EPYC: variants seen among roughly 807,000 people sequenced by gnomAD.
EPYC encodes dermatan sulfate proteoglycan 3.
A neutral mutation model predicts 30.1 loss-of-function variants in EPYC; 28 were observed. The ratio of observed to expected loss-of-function variants is 0.93; its 90% CI spans 0.69 to 1.28. The LOEUF (loss-of-function observed/expected upper bound fraction) is 1.28, where lower values mean the gene tolerates loss of function less well. EPYC is among the 50% of genes most tolerant of loss of function. The probability of loss-of-function intolerance (pLI) is 0.00; values close to 1 mark genes in which losing one functional copy is unlikely to be tolerated. For synonymous variants in EPYC, 144 were observed against 141.4 expected, an observed-to-expected ratio of 1.02 and a Z score of -0.13; for missense variants, 382 against 383.5, an observed-to-expected ratio of 1.00 and a Z score of 0.03.
intron 2 of EPYC, among the ~76,000 whole-genome samples, chr12:91,000,054 C>T (rs892642576): frequency 1.3e-5 from 2 of 151,866 alleles, no homozygotes; most frequent in African/African-American, 4.8e-5. Flanking sequence ...ATGTATATGC[C>T]TATTTATATC....
intron 2 of EPYC, among the ~76,000 whole-genome samples, chr12:91,002,087 G>T (rs1392590712): frequency 1.3e-5 from 2 of 150,642 alleles, no homozygotes; most frequent in Non-Finnish European, 2.9e-5. Context: ...CTACTCGGGA[G>T]GCTGAGGCAG....
intron 2 of EPYC, among the ~76,000 whole-genome samples, chr12:90,991,040 A>C (rs375046804): frequency 2.0e-5 from 3 of 152,292 alleles, no homozygotes; most frequent in East Asian, 3.9e-4. Flanking sequence ...TTTTGATATT[A>C]TAACTCTAGA....
chr12:90,994,231 C>T (rs1411798645), intron 2 of EPYC, among the ~76,000 whole-genome samples: 2 of 152,098 alleles, frequency 1.3e-5, no homozygotes, highest in African/African-American at 2.4e-5. Flanking sequence ...TAGCCCAAAT[C>T]GAATCCCTTC....
chr12:90,970,614 T>C (rs145702384), intron 5 of EPYC, among the ~76,000 whole-genome samples: 1 of 152,256 alleles, frequency 6.6e-6, no homozygotes, highest in Non-Finnish European at 1.5e-5. Context: ...ATTTAGACAA[T>C]AGCTGTTCTA....
At chr12:90,989,264 T>G (rs1463559413) in intron 2 of EPYC, among the ~76,000 whole-genome samples, 3 of 152,100 alleles carry the variant, frequency 2.0e-5, no homozygotes, top group Non-Finnish European at 4.4e-5. Flanking sequence ...CAACTGTTCT[T>G]AGATCTTATT....
chr12:90,976,761 G>A (rs1366704024), intron 3 of EPYC, among the ~76,000 whole-genome samples: 1 of 152,040 alleles, frequency 6.6e-6, no homozygotes, highest in Non-Finnish European at 1.5e-5. Flanking sequence ...TTGTGGGAGA[G>A]ACCTAGTGGG....
Position 90,964,284 on chromosome 12 carries a change from C to G in EPYC, c.841G>C (p.Val281Leu). The G allele has an allele frequency of 3.7e-6, 6 of 1,611,314 alleles. No individual in the cohort carries two copies. The highest frequency in any genetic ancestry group is 5.1e-6 in the Non-Finnish European group (6 of 1,178,200). ...TTACGAATATAAGTCAAATTTTTAACATTGCAGAACGTATCTTCGTGCATT... is the reference window on the plus strand; with the variant it reads ...TTACGAATATAAGTCAAATTTTTAAGATTGCAGAACGTATCTTCGTGCATT... ...LEMHEDTFCN[V>L]KNLTYIRKAL... The change falls in exon 7 of 7, where the codon GTT (valine) becomes CTT (leucine). Residue 281 changes from valine (V) to leucine (L), a missense_variant. Transcript: ENST00000261172.
intron 3 of EPYC, 28 bp from the exon 4 acceptor site, chr12:90,973,008 A>T (rs1434672060): frequency 1.4e-6 from 2 of 1,467,084 alleles, no homozygotes. Context: ...ATAAAATTAA[A>T]TGTAAGTACC....
intron 2 of EPYC, among the ~76,000 whole-genome samples, chr12:90,978,681 T>A (rs1423977775): frequency 4.6e-5 from 7 of 152,154 alleles, no homozygotes. Flanking sequence ...CAGCTCTCAT[T>A]CTACTCCCCT....
chr12:90,993,063 T>A (rs1247004531), intron 2 of EPYC, among the ~76,000 whole-genome samples: 1 of 152,176 alleles, frequency 6.6e-6, no homozygotes, highest in African/African-American at 2.4e-5. Context: ...TTGGTTTCCA[T>A]CTTATGACTT....
At chr12:90,987,449 C>A (rs1877480691) in intron 2 of EPYC, among the ~76,000 whole-genome samples, 1 of 151,870 alleles carries the variant, frequency 6.6e-6, no homozygotes, top group Non-Finnish European at 1.5e-5. Flanking sequence ...AGGTTTATTT[C>A]TCTAAAATAA....
intron 6 of EPYC, among the ~76,000 whole-genome samples, chr12:90,968,133 A>T (rs1876946821): frequency 6.6e-6 from 1 of 152,062 alleles, no homozygotes; most frequent in African/African-American, 2.4e-5. Context: ...ATTGACCCTG[A>T]TGTATTAACC....
chr12:90,997,738 C>T (rs1222826586), intron 2 of EPYC, among the ~76,000 whole-genome samples: 1 of 151,992 alleles, frequency 6.6e-6, no homozygotes. Context: ...TGCATACTTA[C>T]AATTAGAAGT....
At chr12:90,965,928 A>C (rs7964333) in intron 6 of EPYC, among the ~76,000 whole-genome samples, 109,398 of 151,722 alleles carry the variant, frequency 0.72, 41,343 homozygotes, top group Non-Finnish European at 0.83. Context: ...CAGATTGTTC[A>C]TTGCTAGTGT....
chr12:90,994,073 G>A (rs930128400), intron 2 of EPYC, among the ~76,000 whole-genome samples: 44 of 152,192 alleles, frequency 2.9e-4, no homozygotes, highest in Middle Eastern at 3.4e-3. Flanking sequence ...CTATTGTGCT[G>A]AAAATACTTA....
intron 2 of EPYC, among the ~76,000 whole-genome samples, chr12:90,983,976 A>T (rs1473353670): frequency 6.6e-6 from 1 of 151,874 alleles, no homozygotes; most frequent in Non-Finnish European, 1.5e-5. Context: ...TAAAGCTAGG[A>T]TATGGGGAGC....
At chr12:90,985,382 C>T (rs1877425247) in intron 2 of EPYC, among the ~76,000 whole-genome samples, 1 of 152,044 alleles carries the variant, frequency 6.6e-6, no homozygotes, top group East Asian at 1.9e-4. Context: ...AAGTTTATTA[C>T]CCAATCAGCC....
chr12:90,986,008 T>G (rs543214111), intron 2 of EPYC, among the ~76,000 whole-genome samples: 18 of 152,140 alleles, frequency 1.2e-4, no homozygotes, highest in Non-Finnish European at 2.2e-4. Flanking sequence ...ACCTCCTTAT[T>G]TGTGATTGGC....
chr12:90,983,779 G>T (rs1877381412), intron 2 of EPYC, among the ~76,000 whole-genome samples: 1 of 152,074 alleles, frequency 6.6e-6, no homozygotes, highest in East Asian at 1.9e-4. Flanking sequence ...TCCATCTCTG[G>T]TGCTTTTCTA....
Sources: gnomAD v4.1 joint callset for allele counts (sites outside exome capture counted in the v4.1 genomes callset) on GRCh38, gnomAD v4.1.1 for gene constraint, MANE v1.5 for transcripts, NCBI Gene and HGNC (gene_info 2026-07-23, HGNC 2026-07-21) for gene names.